The following C1QTNF3 variants were observed in gnomAD, a reference collection of about 807,000 sequenced individuals.
C1QTNF3 encodes complement C1q tumor necrosis factor-related protein 3.
Under a neutral mutation model 32.6 loss-of-function variants are expected in C1QTNF3, and 26 were observed. That is an observed-to-expected ratio of 0.80 (90% CI 0.58 to 1.11). The LOEUF is 1.11. Among genes scored for constraint, C1QTNF3 ranks in the 50% least tolerant of loss-of-function variants. The probability of loss-of-function intolerance (pLI) is 0.00; values close to 1 mark genes in which losing one functional copy is unlikely to be tolerated. For missense variants in C1QTNF3, 362 were observed against 398.2 expected (o/e 0.91, Z 0.77); for synonymous variants, 155 against 146.0 (o/e 1.06, Z -0.44).
At chr5:34,228,841 G>T in the C1QTNF3 span, among the ~76,000 whole-genome samples, 1 of 150,770 alleles carries the variant, frequency 6.6e-6, no homozygotes, top group African/African-American at 2.4e-5. Flanking sequence ...CCTCTATGCC[G>T]TCCTTAGTCA....
chr5:34,177,847 T>C, the C1QTNF3 span, among the ~76,000 whole-genome samples: 1 of 151,810 alleles, frequency 6.6e-6, no homozygotes, highest in Non-Finnish European at 1.5e-5. Context: ...GGTCTCAAAC[T>C]CCTGGGCTCA....
chr5:34,155,649 CAA>C, the C1QTNF3 span, among the ~76,000 whole-genome samples: 1 of 151,996 alleles, frequency 6.6e-6, no homozygotes, highest in African/African-American at 2.4e-5. Flanking sequence ...TTGGAAGAGA[CAA>C]AGAGATTTTG....
chr5:34,115,620 A>G, the C1QTNF3 span, among the ~76,000 whole-genome samples: 1 of 151,470 alleles, frequency 6.6e-6, no homozygotes, highest in Non-Finnish European at 1.5e-5. Flanking sequence ...AGTCCCAGCT[A>G]TTCGGGAGGC....
chr5:34,140,749 A>G, the C1QTNF3 span, among the ~76,000 whole-genome samples: 34 of 152,392 alleles, frequency 2.2e-4, no homozygotes, highest in African/African-American at 8.2e-4. Context: ...TAGATTGGAA[A>G]GATGATACAC....
At chr5:34,189,991 C>T in the C1QTNF3 span, 1 of 712,836 alleles carries the variant, frequency 1.4e-6, no homozygotes, top group Middle Eastern at 3.2e-4. Context: ...GCTGTGTGCT[C>T]CGAATTCCAG....
chr5:34,095,337 T>C, the C1QTNF3 span, among the ~76,000 whole-genome samples: 2 of 150,458 alleles, frequency 1.3e-5, no homozygotes, highest in South Asian at 2.1e-4. Context: ...AGAAAGGTAA[T>C]TTAAAGGTTA....
In C1QTNF3 at chr5:34,018,681, A is replaced by G. The variant is rs1053177270; in HGVS notation, c.*1902T>C. Among the ~76,000 whole-genome samples, 7 of 152,214 alleles carry G rather than the reference A, an allele frequency of 4.6e-5. No individual in the cohort carries two copies. Among genetic ancestry groups the G allele is most frequent in the African/African-American group, 1.7e-4 (7 of 41,452 alleles). ...TGATACAATCAATAAAATTCCTTCA[A>G]TATAATCTCTTTGTTGTCCAAGGGT... On this transcript the variant is annotated 3_prime_UTR_variant, in exon 6 of 6. Coordinates refer to ENST00000382065, the MANE Select transcript of C1QTNF3 (RefSeq NM_181435.6).
At chr5:34,209,383 A>G in the C1QTNF3 span, among the ~76,000 whole-genome samples, 1 of 151,472 alleles carries the variant, frequency 6.6e-6, no homozygotes, top group Admixed American at 6.6e-5. Context: ...GTTTACCTAT[A>G]TAACAAACCT....
the C1QTNF3 span, among the ~76,000 whole-genome samples, chr5:34,196,714 C>T: frequency 7.7e-5 from 10 of 130,484 alleles, no homozygotes; most frequent in Non-Finnish European, 1.5e-4. Context: ...GGCTGGAGTG[C>T]AGTGGCGCCA....
At chr5:34,082,828 G>C in the C1QTNF3 span, among the ~76,000 whole-genome samples, 1 of 151,716 alleles carries the variant, frequency 6.6e-6, no homozygotes, top group African/African-American at 2.4e-5. Context: ...AGATAACTGA[G>C]TCAGAATGTT....
chr5:34,201,981 A>T, the C1QTNF3 span, among the ~76,000 whole-genome samples: 1 of 152,116 alleles, frequency 6.6e-6, no homozygotes, highest in Non-Finnish European at 1.5e-5. Context: ...AGGCACAAGG[A>T]TATTGAATCC....
At chr5:34,138,740 A>C in the C1QTNF3 span, among the ~76,000 whole-genome samples, 1 of 152,172 alleles carries the variant, frequency 6.6e-6, no homozygotes, top group Non-Finnish European at 1.5e-5. Context: ...TATTTTATAG[A>C]GTGCCTTTTG....
the C1QTNF3 span, among the ~76,000 whole-genome samples, chr5:34,228,614 A>T: frequency 1.3e-5 from 2 of 149,638 alleles, no homozygotes; most frequent in African/African-American, 2.4e-5. Flanking sequence ...AAAAGCAAAT[A>T]GTCTTTGGGA....
upstream of C1QTNF3, among the ~76,000 whole-genome samples, chr5:34,044,856 C>A (rs1754960954): frequency 6.6e-6 from 1 of 152,198 alleles, no homozygotes; most frequent in South Asian, 2.1e-4. Flanking sequence ...TGAGTTCTGT[C>A]ATGTCCACCA....
chr5:34,050,884 G>A, the C1QTNF3 span, among the ~76,000 whole-genome samples: 1 of 152,160 alleles, frequency 6.6e-6, no homozygotes, highest in Non-Finnish European at 1.5e-5. Flanking sequence ...GGTTTGCATA[G>A]ACCTGCCCAG....
intron 1 of C1QTNF3, among the ~76,000 whole-genome samples, chr5:34,039,200 C>T (rs1411526891): frequency 5.3e-5 from 8 of 152,284 alleles, no homozygotes; most frequent in African/African-American, 9.6e-5. Context: ...GGCCACTACA[C>T]ATGTGGACAA....
At chr5:34,088,466 T>C in the C1QTNF3 span, among the ~76,000 whole-genome samples, 1 of 151,962 alleles carries the variant, frequency 6.6e-6, no homozygotes, top group African/African-American at 2.4e-5. Flanking sequence ...CTTATAATAG[T>C]ATCTATATTT....
chr5:34,050,001 C>CA, the C1QTNF3 span, among the ~76,000 whole-genome samples: 392 of 152,238 alleles, frequency 2.6e-3, 1 homozygote, highest in Non-Finnish European at 4.0e-3. Context: ...CAAGTTGACA[C>CA]AAAAAATTCA....
chr5:34,135,769 G>A, the C1QTNF3 span, among the ~76,000 whole-genome samples: 2 of 145,932 alleles, frequency 1.4e-5, no homozygotes, highest in African/African-American at 5.1e-5. Flanking sequence ...AAACAGCATG[G>A]TACTGGTTCC....
Sources: gnomAD v4.1 joint callset for allele counts (sites outside exome capture counted in the v4.1 genomes callset) on GRCh38, gnomAD v4.1.1 for gene constraint, MANE v1.5 for transcripts, NCBI Gene and HGNC (gene_info 2026-07-23, HGNC 2026-07-21) for gene names.